TYW1B: variants seen among roughly 807,000 people sequenced by gnomAD.
TYW1B encodes tRNA-yW synthesizing protein 1 homolog B.
TYW1B carries 73 observed loss-of-function variants against 86.9 expected under a neutral mutation model. That is an observed-to-expected ratio of 0.84 (90% CI 0.70 to 1.02). The LOEUF (loss-of-function observed/expected upper bound fraction) is 1.02. TYW1B is among the 50% of genes least tolerant of loss of function. TYW1B has a pLI of 0.00. For missense variants in TYW1B, 637 were observed against 827.4 expected, an observed-to-expected ratio of 0.77 and a Z score of 2.82; for synonymous variants, 248 against 292.8, an observed-to-expected ratio of 0.85 and a Z score of 1.56.
At chr7:72,577,031 G>A (rs1811039602) in intron 13 of TYW1B, among the ~76,000 whole-genome samples, 1 of 151,972 alleles carries the variant, frequency 6.6e-6, no homozygotes, top group Admixed American at 6.6e-5. Flanking sequence ...GGAGGCTGAG[G>A]CAGGAGAATC....
chr7:72,616,602 TAAAG>T (rs1351136365), intron 13 of TYW1B, 66 bp downstream of exon 13: 23 of 1,611,066 alleles, frequency 1.4e-5, no homozygotes, highest in South Asian at 9.9e-5. Flanking sequence ...AAGAGGAAAA[TAAAG>T]AGAGAAGAGA....
intron 12 of TYW1B, among the ~76,000 whole-genome samples, chr7:72,626,187 G>A (rs201375943): frequency 0.12 from 13,266 of 115,056 alleles, 195 homozygotes; most frequent in Middle Eastern, 0.18. Context: ...AAAATGTTAC[G>A]TACTCAGACA....
intron 7 of TYW1B, among the ~76,000 whole-genome samples, chr7:72,761,225 C>G (rs1787680608): frequency 6.6e-6 from 1 of 151,974 alleles, no homozygotes; most frequent in Non-Finnish European, 1.5e-5. Flanking sequence ...AAAGAAACTT[C>G]TAAAAATTAT....
At chr7:72,789,926 G>A (rs1350113202) in intron 6 of TYW1B, among the ~76,000 whole-genome samples, 2 of 144,624 alleles carry the variant, frequency 1.4e-5, no homozygotes, top group African/African-American at 5.0e-5. Context: ...ACATTCTCAA[G>A]TGATAGGATT....
intron 11 of TYW1B, among the ~76,000 whole-genome samples, chr7:72,632,355 T>TA (rs1491329360): frequency 5.8e-4 from 68 of 117,878 alleles, no homozygotes; most frequent in African/African-American, 2.1e-3. Flanking sequence ...ATTATATATA[T>TA]TATATATATA....
chr7:72,593,739 G>A (rs1417177108), intron 13 of TYW1B, among the ~76,000 whole-genome samples: 3 of 148,728 alleles, frequency 2.0e-5, no homozygotes, highest in Non-Finnish European at 3.0e-5. Context: ...GGAGAATGGC[G>A]TGAACCCGGG....
chr7:72,604,932 C>T (rs1429188830), intron 13 of TYW1B, among the ~76,000 whole-genome samples: 3 of 152,150 alleles, frequency 2.0e-5, no homozygotes, highest in Non-Finnish European at 2.9e-5. Flanking sequence ...CCTTCTATTA[C>T]GTTGGTGCAA....
Position 72,820,510 on chromosome 7 carries a change from G to A in TYW1B, c.136-5029C>T, listed in dbSNP as rs533101804. ...AATTCTGATATCTGAAAAAGTTCAAGATTGGACATCTACATCTGGTGAGGG... is the reference window on the plus strand; with the variant it reads ...AATTCTGATATCTGAAAAAGTTCAAAATTGGACATCTACATCTGGTGAGGG... On this transcript the variant is annotated intron_variant, in intron 2 of 13. Coordinates refer to ENST00000620995, the MANE Select transcript of TYW1B (RefSeq NM_001145440.3). 3.9e-5 allele frequency among the ~76,000 whole-genome samples: 6 copies of A among 152,314 alleles called. No homozygotes were observed. In the East Asian group the frequency reaches 1.2e-3, roughly 29 times the overall value.
chr7:72,697,655 T>C (rs1197077047), intron 10 of TYW1B, among the ~76,000 whole-genome samples: 14 of 152,142 alleles, frequency 9.2e-5, no homozygotes, highest in African/African-American at 3.4e-4. Flanking sequence ...AAAATCACCA[T>C]AATAATTCCT....
intron 2 of TYW1B, among the ~76,000 whole-genome samples, chr7:72,825,491 C>T (rs1586014091): frequency 6.6e-6 from 1 of 152,156 alleles, no homozygotes; most frequent in African/African-American, 2.4e-5. Context: ...GCAGCCCAGC[C>T]AACGTGGCAA....
In TYW1B at chr7:72,713,614, A is replaced by G. The variant is rs1554455253; in HGVS notation, c.1370+7T>C. On this transcript the variant is annotated splice_region_variant and intron_variant, in intron 10 of 13. Transcript: ENST00000620995. ...AGCAGCATCTCTCCATAGGCTGGAG[A>G]ACTCACCTGATTTCCGCAGGAAATT... 4.3e-6 allele frequency: 7 copies of G among 1,611,418 alleles called. No individual in the cohort carries two copies. The highest frequency in any genetic ancestry group is 5.9e-6 in the Non-Finnish European group (7 of 1,178,768).
At chr7:72,602,938 G>A (rs1289376853) in intron 13 of TYW1B, among the ~76,000 whole-genome samples, 4 of 150,966 alleles carry the variant, frequency 2.6e-5, no homozygotes, top group Non-Finnish European at 2.9e-5. Flanking sequence ...AAAGAGATCC[G>A]AATGGCCAAA....
At chr7:72,603,320 G>T (rs1387796027) in intron 13 of TYW1B, among the ~76,000 whole-genome samples, 2 of 144,674 alleles carry the variant, frequency 1.4e-5, no homozygotes. Flanking sequence ...TGGACAGATA[G>T]ATGATGGATG....
chr7:72,822,405 T>C (rs2129572949), intron 2 of TYW1B, among the ~76,000 whole-genome samples: 1 of 152,088 alleles, frequency 6.6e-6, no homozygotes, highest in Non-Finnish European at 1.5e-5. Context: ...AATTCAAGTA[T>C]ACAGAACAAT....
intron 7 of TYW1B, among the ~76,000 whole-genome samples, chr7:72,771,039 T>C (rs1392660595): frequency 7.1e-6 from 1 of 140,512 alleles, no homozygotes; most frequent in African/African-American, 2.7e-5. Context: ...CTGGGCTCAC[T>C]GAAACCTCTG....
At chr7:72,686,913 T>C (rs1342028782) in intron 11 of TYW1B, among the ~76,000 whole-genome samples, 1 of 152,064 alleles carries the variant, frequency 6.6e-6, no homozygotes, top group Non-Finnish European at 1.5e-5. Flanking sequence ...CCCTACCTTA[T>C]GCAATACCCC....
At chr7:72,805,710 G>C (rs1554476556) in intron 5 of TYW1B, among the ~76,000 whole-genome samples, 1 of 152,254 alleles carries the variant, frequency 6.6e-6, no homozygotes, top group East Asian at 1.9e-4. Context: ...CCTATGTAAG[G>C]GAGAGACCAA....
intron 12 of TYW1B, 36 bp downstream of exon 12, chr7:72,628,851 A>T: frequency 6.5e-7 from 1 of 1,545,270 alleles, no homozygotes; most frequent in Non-Finnish European, 8.7e-7. Flanking sequence ...ATTCTTTGTC[A>T]CTCCACCACG....
chr7:72,630,543 T>C (rs189288441), intron 11 of TYW1B, among the ~76,000 whole-genome samples: 8 of 150,666 alleles, frequency 5.3e-5, no homozygotes, highest in Non-Finnish European at 7.4e-5. Flanking sequence ...ATGCACAAAA[T>C]GATACCAATC....
Sources: allele counts gnomAD v4.1 joint callset (sites outside exome capture counted in the v4.1 genomes callset), GRCh38; gene constraint gnomAD v4.1.1; transcripts MANE v1.5; gene names NCBI Gene and HGNC (gene_info 2026-07-23, HGNC 2026-07-21).